CNDP1: variants seen among roughly 807,000 people sequenced by gnomAD.
CNDP1 encodes the protein carnosine dipeptidase 1.
In CNDP1, 44 loss-of-function variants were observed where a neutral mutation model predicts 58.1. The observed-to-expected ratio is 0.76, with a 90% CI of 0.60 to 0.97. The LOEUF is 0.97. Among genes scored for constraint, CNDP1 ranks in the 50% least tolerant of loss-of-function variants. The pLI, the probability that CNDP1 is intolerant of heterozygous loss-of-function variation, is 0.00. For missense variants in CNDP1, 616 were observed against 655.1 expected, an observed-to-expected ratio of 0.94 and a Z score of 0.65; for synonymous variants, 254 against 252.6, an observed-to-expected ratio of 1.01 and a Z score of -0.05.
At position 74,586,194 on chromosome 18, in the gene CNDP1, G is replaced by A. The variant is rs1310202309; in HGVS notation, c.*1632G>A. 6.6e-6 allele frequency: 1 copy of A among 152,126 alleles called. No individual in the cohort carries two copies. The highest frequency in any genetic ancestry group is 1.9e-4 in the East Asian group (1 of 5,176). 9.4% of individuals were successfully genotyped at this position (152,126 alleles called of 1,614,324 possible). On this transcript the variant is annotated 3_prime_UTR_variant, in exon 12 of 12. Coordinates refer to ENST00000358821, the MANE Select transcript of CNDP1 (RefSeq NM_032649.6). ...ACCCAACTGAGAGCTCAACCTAGTTGTGGGCATTTGTGAAGGATTCCAGTT... is the reference window on the plus strand; with the variant it reads ...ACCCAACTGAGAGCTCAACCTAGTTATGGGCATTTGTGAAGGATTCCAGTT...
At chr18:74,583,975 T>C in intron 11 of CNDP1, 1 of 445,928 alleles carries the variant, frequency 2.2e-6, no homozygotes, top group South Asian at 2.8e-5. Context: ...GTCTCTCTTT[T>C]TATAAGAGCA....
chr18:74,565,472 T>A (rs1460464753), intron 5 of CNDP1, among the ~76,000 whole-genome samples: 2 of 152,230 alleles, frequency 1.3e-5, no homozygotes, highest in East Asian at 1.9e-4. Flanking sequence ...ACTTCCTAGA[T>A]ACAATGTCAG....
chr18:74,538,378 A>G (rs531039878), intron 1 of CNDP1, among the ~76,000 whole-genome samples: 99 of 152,288 alleles, frequency 6.5e-4, no homozygotes, highest in African/African-American at 2.1e-3. Flanking sequence ...ATTCCTTTTC[A>G]TGGCCAAATA....
Position 74,578,137 on chromosome 18 carries a change from C to G in CNDP1, c.1003-26C>G, listed in dbSNP as rs777289520. On this transcript the variant is annotated intron_variant, in intron 8 of 11. Coordinates refer to ENST00000358821, the MANE Select transcript of CNDP1 (RefSeq NM_032649.6). ...GTCCACTGGGTTCTAATTAAGCATC[C>G]TTTGGATAATTTTATTTTAATATAG... The G allele has an allele frequency of 3.1e-6, 5 of 1,591,714 alleles. No homozygotes were observed. The Admixed American group carries it at 8.9e-5, about 28-fold the overall frequency.
rs926727500 is a variant in CNDP1 at position 74,561,153 on chromosome 18, G to A, written c.466+135G>A. 14 of 1,091,250 alleles carry A rather than the reference G, an allele frequency of 1.3e-5. No individual in the cohort carries two copies. In the East Asian group the frequency reaches 1.3e-4, roughly 10 times the overall value. The allele number at this position is 1,091,250 out of a possible 1,614,324, so 67.6% of individuals were successfully genotyped here. On this transcript the variant is annotated intron_variant, in intron 4 of 11. Coordinates refer to ENST00000358821, the MANE Select transcript of CNDP1 (RefSeq NM_032649.6). ...GCATAGGCCGGGTGCGGTGGCTCAC[G>A]CTTGTAATCCCAGCACTTTGGGAAG...
At chr18:74,572,542 C>T (rs1981505014) in intron 7 of CNDP1, among the ~76,000 whole-genome samples, 1 of 152,174 alleles carries the variant, frequency 6.6e-6, no homozygotes, top group East Asian at 1.9e-4. Context: ...AATCCCAGCA[C>T]TTTGGGAGGC....
In CNDP1 at chr18:74,580,240, G is replaced by T; in HGVS notation, c.1278G>T (p.Gln426His). The T allele has an allele frequency of 6.2e-7, 1 of 1,614,202 alleles. No individual in the cohort carries two copies. ...HPWIANIDDT[Q>H]YLAAKRAIRT... is the part of the protein sequence containing the mutation. ...GGATTGCAAATATTGATGACACCCAGTATCTCGCAGCAAAAAGAGCGATCA... is the reference window on the plus strand; with the variant it reads ...GGATTGCAAATATTGATGACACCCATTATCTCGCAGCAAAAAGAGCGATCA... Residue 426 changes from glutamine (Q) to histidine (H), a missense_variant, in exon 10 of 12, where the codon CAG (glutamine) becomes CAT (histidine). Transcript: ENST00000358821.
intron 1 of CNDP1, among the ~76,000 whole-genome samples, chr18:74,550,742 A>ATTTTTTT (rs34869467): frequency 6.8e-6 from 1 of 146,020 alleles, no homozygotes; most frequent in Non-Finnish European, 1.5e-5. Flanking sequence ...ACGCCCGACT[A>ATTTTTTT]TTTTTTTTTT....
Position 74,580,123 on chromosome 18 carries a change from C to CT in CNDP1, c.1168-3dup, listed in dbSNP as rs753102206. 3.2e-5 allele frequency: 52 copies of CT among 1,610,708 alleles called. No individual in the cohort carries two copies. The highest frequency in any genetic ancestry group is 4.2e-5 in the Non-Finnish European group (49 of 1,178,038). ...TTTCTCTTATCATTGAAAATGTCAC[C>CT]TTTTAGGTGACACGACATCTTGAAG... On this transcript the variant is annotated splice_region_variant and splice_polypyrimidine_tract_variant and intron_variant, in intron 9 of 11. Coordinates refer to ENST00000358821, the MANE Select transcript of CNDP1 (RefSeq NM_032649.6).
At chr18:74,540,047 T>C (rs1300956290) in intron 1 of CNDP1, among the ~76,000 whole-genome samples, 1 of 152,084 alleles carries the variant, frequency 6.6e-6, no homozygotes, top group Non-Finnish European at 1.5e-5. Context: ...ATATACAACC[T>C]ACAACCTGTG....
rs550257312 is a variant in CNDP1, at chr18:74,570,231, T to A, written c.757-955T>A. Among the ~76,000 whole-genome samples, 372 of 85,786 alleles carry A rather than the reference T, an allele frequency of 4.3e-3. 2 individuals are homozygous for A. The highest frequency in any genetic ancestry group is 0.02 in the African/African-American group (349 of 17,324). The allele number at this position is 85,786 out of a possible 152,430, so 56.3% of individuals were successfully genotyped here. Reference sequence around the variant, plus strand: ...TAATAATAATAATTAATAATAATAATAATAAATAATTAAAAAAAAAGAAAA... The same window carrying A: ...TAATAATAATAATTAATAATAATAAAAATAAATAATTAAAAAAAAAGAAAA... On this transcript the variant is annotated intron_variant, in intron 6 of 11. Transcript: ENST00000358821.
At position 74,583,643 on chromosome 18, in the gene CNDP1, C is replaced by A; in HGVS notation, c.1392C>A (p.Ser464Arg). The change falls in exon 11 of 12, where the codon AGC (serine) becomes AGA (arginine). Residue 464 changes from serine to arginine, a missense_variant. Ser to Arg is a moderately radical substitution (Grantham distance 110). Transcript: ENST00000358821. ...TGTTCCAGGAGATCGTCCACAAGAGCGTGGTGCTAATTCCGCTGGGAGCTG... is the reference window on the plus strand; with the variant it reads ...TGTTCCAGGAGATCGTCCACAAGAGAGTGGTGCTAATTCCGCTGGGAGCTG... ...AKMFQEIVHK[S>R]VVLIPLGAVD... The A allele has an allele frequency of 5.0e-6, 8 of 1,614,094 alleles. No individual in the cohort carries two copies. The highest frequency in any genetic ancestry group is 6.8e-6 in the Non-Finnish European group (8 of 1,179,950).
At chr18:74,553,207 T>TC (rs1980953357) in intron 1 of CNDP1, among the ~76,000 whole-genome samples, 1 of 152,196 alleles carries the variant, frequency 6.6e-6, no homozygotes, top group South Asian at 2.1e-4. Flanking sequence ...TTGCAATCCC[T>TC]CCCCCCACAT....
At chr18:74,557,991 C>T (rs1025231539) in intron 2 of CNDP1, among the ~76,000 whole-genome samples, 1 of 152,214 alleles carries the variant, frequency 6.6e-6, no homozygotes, top group African/African-American at 2.4e-5. Flanking sequence ...ACATCTCTTC[C>T]TAAGTCCCTC....
At chr18:74,579,922 T>C (rs1171244380) in intron 9 of CNDP1, among the ~76,000 whole-genome samples, 3 of 152,208 alleles carry the variant, frequency 2.0e-5, no homozygotes, top group African/African-American at 7.2e-5. Flanking sequence ...GGTTTCCTGC[T>C]GTCAGCACTG....
At chr18:74,556,064 C>T (rs922383634) in intron 1 of CNDP1, among the ~76,000 whole-genome samples, 7 of 152,200 alleles carry the variant, frequency 4.6e-5, no homozygotes, top group African/African-American at 1.7e-4. Context: ...GGAGGAAACA[C>T]CTTATCCTAG....
intron 2 of CNDP1, among the ~76,000 whole-genome samples, chr18:74,557,249 T>A (rs1206837570): frequency 6.6e-6 from 1 of 151,934 alleles, no homozygotes; most frequent in Non-Finnish European, 1.5e-5. Context: ...TGAGACAGGG[T>A]CTTGCTCTGT....
At chr18:74,575,831 ATGTGTG>A (rs386388202) in intron 7 of CNDP1, among the ~76,000 whole-genome samples, 15 of 94,262 alleles carry the variant, frequency 1.6e-4, no homozygotes, top group African/African-American at 3.1e-4. Context: ...GTGTGTATAC[ATGTGTG>A]TGTGTGTGTG....
Position 74,560,855 on chromosome 18 carries a change from G to C in CNDP1, c.304-1G>C. 6.2e-7 allele frequency: 1 copy of C among 1,611,674 alleles called. No homozygotes were observed. The highest frequency in any genetic ancestry group is 8.5e-7 in the Non-Finnish European group (1 of 1,177,874). ...AAATGTGATTCCTGATCATTCTGCAGCTGCCCGATGGTCAGAGTCTTCCAA... is the reference window on the plus strand; with the variant it reads ...AAATGTGATTCCTGATCATTCTGCACCTGCCCGATGGTCAGAGTCTTCCAA... On this transcript the variant is annotated splice_acceptor_variant, in intron 3 of 11. Transcript: ENST00000358821. LOFTEE classifies it high-confidence loss of function.
Sources: allele counts gnomAD v4.1 joint callset (sites outside exome capture counted in the v4.1 genomes callset), GRCh38; gene constraint gnomAD v4.1.1; transcripts MANE v1.5; gene names NCBI Gene and HGNC (gene_info 2026-07-23, HGNC 2026-07-21).